Variants in ASB13 observed in about 807,000 individuals in gnomAD.
The protein encoded by ASB13 is ankyrin repeat and SOCS box protein 13.
A neutral mutation model predicts 28.8 loss-of-function variants in ASB13; 33 were observed. The observed-to-expected ratio is 1.15, with a 90% CI of 0.87 to 1.53. The LOEUF (loss-of-function observed/expected upper bound fraction) is 1.53. ASB13 is among the 40% of genes most tolerant of loss of function. The pLI, the probability that ASB13 is intolerant of heterozygous loss-of-function variation, is 0.00. For synonymous variants in ASB13, 182 were observed against 172.9 expected, an observed-to-expected ratio of 1.05 and a Z score of -0.41; for missense variants, 414 against 390.1, an observed-to-expected ratio of 1.06 and a Z score of -0.52.
At position 5,642,851 on chromosome 10, in the gene ASB13, G is replaced by T. The variant is rs1834831473; in HGVS notation, c.518-890C>A. 1.3e-5 allele frequency among the ~76,000 whole-genome samples: 2 copies of T among 152,044 alleles called. No individual in the cohort carries two copies. Among genetic ancestry groups the T allele is most frequent in the Admixed American group, 1.3e-4 (2 of 15,262 alleles). On this transcript the variant is annotated intron_variant, in intron 4 of 5. Transcript: ENST00000357700. The surrounding 1 kb of genome is among the most constrained non-coding windows in gnomAD (Gnocchi z 4.1). ...GTAGAGACGGGGTTTTGCCGTGTTGGCCAGGTTGGTCTCGAACTCCTGGCT... is the reference window on the plus strand; with the variant it reads ...GTAGAGACGGGGTTTTGCCGTGTTGTCCAGGTTGGTCTCGAACTCCTGGCT...
chr10:5,656,072 G>A lies in ASB13; in HGVS notation c.44-3022C>T, dbSNP rs1835068940. 6.6e-6 allele frequency among the ~76,000 whole-genome samples: 1 copy of A among 152,206 alleles called. No homozygotes were observed. Among genetic ancestry groups the A allele is most frequent in the South Asian group, 2.1e-4 (1 of 4,824 alleles). ...CAGAATTAAGAGCCCCGGTGCCCAGGGATGGCCAGGGAAGGTCACAGAGGC... is the reference window on the plus strand; with the variant it reads ...CAGAATTAAGAGCCCCGGTGCCCAGAGATGGCCAGGGAAGGTCACAGAGGC... On this transcript the variant is annotated intron_variant, in intron 1 of 5. Transcript: ENST00000357700. The surrounding 1 kb of genome is among the most constrained non-coding windows in gnomAD (Gnocchi z 4.3).
At chr10:5,643,475 C>G (rs371288230) in intron 4 of ASB13, among the ~76,000 whole-genome samples, 1 of 152,334 alleles carries the variant, frequency 6.6e-6, no homozygotes, top group African/African-American at 2.4e-5. Flanking sequence ...CCACTTCCCG[C>G]AGCCAAAACT....
At chr10:5,647,205 C>T (rs563423098) in intron 4 of ASB13, among the ~76,000 whole-genome samples, 2 of 152,290 alleles carry the variant, frequency 1.3e-5, no homozygotes, top group East Asian at 1.9e-4. Flanking sequence ...GCAATCCTCC[C>T]GCCTCAGCCT....
intron 1 of ASB13, among the ~76,000 whole-genome samples, chr10:5,654,581 C>T (rs1049531178): frequency 6.6e-6 from 1 of 152,244 alleles, no homozygotes; most frequent in Admixed American, 6.5e-5. Flanking sequence ...TTCTCAGCAC[C>T]CATCTCAGAC....
intron 1 of ASB13, among the ~76,000 whole-genome samples, chr10:5,662,155 C>T (rs1368115251): frequency 1.3e-5 from 2 of 152,002 alleles, no homozygotes; most frequent in Non-Finnish European, 2.9e-5. Flanking sequence ...TGACATAGCC[C>T]CCCAGGGTCC....
intron 1 of ASB13, among the ~76,000 whole-genome samples, chr10:5,654,202 C>G (rs1835036652): frequency 6.7e-6 from 1 of 149,582 alleles, no homozygotes; most frequent in Non-Finnish European, 1.5e-5. Flanking sequence ...ATACAGCATC[C>G]AACACAACTC....
intron 1 of ASB13, among the ~76,000 whole-genome samples, chr10:5,662,819 C>T (rs1407098720): frequency 1.3e-5 from 2 of 152,260 alleles, no homozygotes; most frequent in African/African-American, 2.4e-5. Context: ...CAACTAAAGA[C>T]AGTGTACGTG....
intron 1 of ASB13, among the ~76,000 whole-genome samples, chr10:5,662,628 G>GAA (rs1794951402): frequency 2.0e-5 from 3 of 148,904 alleles, no homozygotes; most frequent in African/African-American, 7.3e-5. Context: ...GAAGAGAAGA[G>GAA]AAGAGAAGAG....
chr10:5,640,337 C>A lies in ASB13; in HGVS notation c.*366G>T. The A allele has an allele frequency of 5.8e-6, 1 of 172,520 alleles. No homozygotes were observed. The highest frequency in any genetic ancestry group is 1.4e-4 in the South Asian group (1 of 7,280). 10.7% of individuals were successfully genotyped at this position (172,520 alleles called of 1,614,324 possible). Reference sequence around the variant, plus strand: ...CGGTGAGTGAGAATCAGCAACAATGCCCTCAGTCCCCAGCTCTGCCAGCCT... The same window carrying A: ...CGGTGAGTGAGAATCAGCAACAATGACCTCAGTCCCCAGCTCTGCCAGCCT... On this transcript the variant is annotated 3_prime_UTR_variant, in exon 6 of 6. Transcript: ENST00000357700.
Position 5,661,852 on chromosome 10 carries a change from C to A in ASB13, c.43+4657G>T, listed in dbSNP as rs904551145. Among the ~76,000 whole-genome samples, 1 of 152,170 alleles carries A rather than the reference C, an allele frequency of 6.6e-6. No individual in the cohort carries two copies. Among genetic ancestry groups the A allele is most frequent in the Admixed American group, 6.5e-5 (1 of 15,278 alleles). The stretch of plus-strand genomic sequence containing the variant: ...CAGAAATTTTGTTCCGAGTAAATCA[C>A]CAAGGGGAGTCTGGGGTCCTGGCTG... On this transcript the variant is annotated intron_variant, in intron 1 of 5. Coordinates refer to ENST00000357700, the MANE Select transcript of ASB13 (RefSeq NM_024701.4). The surrounding 1 kb of genome is among the most constrained non-coding windows in gnomAD (Gnocchi z 4.9).
In ASB13 at chr10:5,651,073, A is replaced by G; in HGVS notation, c.382+140T>C. 2 of 1,153,942 alleles carry G rather than the reference A, an allele frequency of 1.7e-6. No individual in the cohort carries two copies. Among genetic ancestry groups the G allele is most frequent in the Non-Finnish European group, 2.4e-6 (2 of 832,178 alleles). 71.5% of individuals were successfully genotyped at this position (1,153,942 alleles called of 1,614,324 possible). ...CTGCAGCTGAGCCACCAGGAGCCAG[A>G]AACAGACTCAGAACTCTCCTTCACC... On this transcript the variant is annotated intron_variant, in intron 3 of 5. Coordinates refer to ENST00000357700, the MANE Select transcript of ASB13 (RefSeq NM_024701.4). This position sits in a 1 kb window ranked among gnomAD's most constrained non-coding sequence, Gnocchi z 5.1.
In ASB13 at chr10:5,639,609, G is replaced by C. The variant is rs185058931; in HGVS notation, c.*1094C>G. On this transcript the variant is annotated 3_prime_UTR_variant, in exon 6 of 6. Coordinates refer to ENST00000357700, the MANE Select transcript of ASB13 (RefSeq NM_024701.4). ...CCACCTATGGCTTATAATGCAGAAC[G>C]ACCTGTTTCTATCACTGCAGGACGG... 1 of 142,230 alleles carries C rather than the reference G, an allele frequency of 7.0e-6. No homozygotes were observed. Among genetic ancestry groups the C allele is most frequent in the Non-Finnish European group, 1.6e-5 (1 of 64,404 alleles). The allele number at this position is 142,230 out of a possible 1,614,324, so 8.8% of individuals were successfully genotyped here. A position where few individuals can be genotyped will look rare whatever the true frequency, so the allele number is the denominator to read the frequency against.
rs112107129 is a variant in ASB13, at chr10:5,656,987, C to T, written c.44-3937G>A. 2.7e-4 allele frequency among the ~76,000 whole-genome samples: 41 copies of T among 152,314 alleles called. 3 individuals carry two copies. The highest frequency in any genetic ancestry group is 9.6e-4 in the African/African-American group (40 of 41,560). On this transcript the variant is annotated intron_variant, in intron 1 of 5. Transcript: ENST00000357700. This position sits in a 1 kb window ranked among gnomAD's most constrained non-coding sequence, Gnocchi z 4.3. ...AAACCTGCCACCAACTCTTGTCTCT[C>T]GTATTTGGCTTTTGAGCAGTAAGCA...
chr10:5,653,167 T>C (rs1835017316), intron 1 of ASB13, 117 bp from the exon 2 acceptor site: 1 of 1,092,256 alleles, frequency 9.2e-7, no homozygotes, highest in African/African-American at 1.6e-5. Flanking sequence ...ATCATGCAAT[T>C]GTCCCAGCAC....
Position 5,649,164 on chromosome 10 carries a change from C to G in ASB13, c.383-60G>C, listed in dbSNP as rs1175027117. On this transcript the variant is annotated intron_variant, in intron 3 of 5. Coordinates refer to ENST00000357700, the MANE Select transcript of ASB13 (RefSeq NM_024701.4). This position sits in a 1 kb window ranked among gnomAD's most constrained non-coding sequence, Gnocchi z 6.4. ...GAATACGGACACTGGAGACAACAAG[C>G]ACACAGACGCGGCAGGGGCAGCAGC... 1 of 1,603,886 alleles carries G rather than the reference C, an allele frequency of 6.2e-7. No homozygotes were observed. The highest frequency in any genetic ancestry group is 8.5e-7 in the Non-Finnish European group (1 of 1,175,154).
Position 5,664,641 on chromosome 10 carries a change from C to T in ASB13, c.43+1868G>A, listed in dbSNP as rs879555940. 5.9e-5 allele frequency among the ~76,000 whole-genome samples: 9 copies of T among 152,226 alleles called. No individual in the cohort carries two copies. Among genetic ancestry groups the T allele is most frequent in the South Asian group, 2.1e-4 (1 of 4,820 alleles). The stretch of plus-strand genomic sequence containing the variant: ...TAGAGGTTCATCTACCACAGAAGGA[C>T]GTCCATAGGGAATGCAGAATTTCTT... On this transcript the variant is annotated intron_variant, in intron 1 of 5. Transcript: ENST00000357700. The surrounding 1 kb of genome is among the most constrained non-coding windows in gnomAD (Gnocchi z 4.2).
Position 5,655,592 on chromosome 10 carries a change from T to C in ASB13, c.44-2542A>G, listed in dbSNP as rs1267261404. Among the ~76,000 whole-genome samples, 1 of 152,180 alleles carries C rather than the reference T, an allele frequency of 6.6e-6. No homozygotes were observed. The highest frequency in any genetic ancestry group is 1.5e-5 in the Non-Finnish European group (1 of 68,038). ...GGAGAACTGAACCACAAAGGAAGAT[T>C]CGATCCCCACAAAATGTAAAAGTCA... is the stretch of plus-strand genomic sequence containing the variant. On this transcript the variant is annotated intron_variant, in intron 1 of 5. Coordinates refer to ENST00000357700, the MANE Select transcript of ASB13 (RefSeq NM_024701.4). This position sits in a 1 kb window ranked among gnomAD's most constrained non-coding sequence, Gnocchi z 6.2.
At chr10:5,665,108 C>T (rs1018931035) in intron 1 of ASB13, among the ~76,000 whole-genome samples, 1 of 152,190 alleles carries the variant, frequency 6.6e-6, no homozygotes, top group African/African-American at 2.4e-5. Context: ...CCACCTGCCT[C>T]GGCCTCCCAA....
chr10:5,654,503 G>A (rs763154280), intron 1 of ASB13, among the ~76,000 whole-genome samples: 1 of 152,198 alleles, frequency 6.6e-6, no homozygotes, highest in Non-Finnish European at 1.5e-5. Flanking sequence ...TCTAAACCAG[G>A]TGCAGACAAA....
Sources: allele counts gnomAD v4.1 joint callset (sites outside exome capture counted in the v4.1 genomes callset), GRCh38; gene constraint gnomAD v4.1.1; non-coding constraint Gnocchi (gnomAD v3.1); transcripts MANE v1.5; gene names NCBI Gene and HGNC (gene_info 2026-07-23, HGNC 2026-07-21).